Variants in AKAP13 observed in about 807,000 individuals in gnomAD.
AKAP13 encodes the protein A-kinase anchor protein 13.
Under a neutral mutation model 264.5 loss-of-function variants are expected in AKAP13, and 80 were observed. The observed-to-expected ratio is 0.30, with a 90% CI of 0.25 to 0.36. The LOEUF is 0.36. Ranked by LOEUF, AKAP13 falls within the 10% of genes least tolerant of loss-of-function variation. The probability of loss-of-function intolerance (pLI) is 1.00; values close to 1 mark genes in which losing one functional copy is unlikely to be tolerated. For missense variants in AKAP13, 3,712 were observed against 3,435.2 expected (o/e 1.08, Z -2.01); for synonymous variants, 1,380 against 1,250.2 (o/e 1.10, Z -2.19).
At chr15:85,446,757 C>T (rs1383805977) in intron 1 of AKAP13, among the ~76,000 whole-genome samples, 2 of 141,012 alleles carry the variant, frequency 1.4e-5, no homozygotes, top group African/African-American at 5.4e-5. Flanking sequence ...GTTGTCCAGG[C>T]TTTCCAGCCC....
chr15:85,475,606 G>A (rs2075133000), intron 1 of AKAP13, among the ~76,000 whole-genome samples: 1 of 152,196 alleles, frequency 6.6e-6, no homozygotes, highest in Non-Finnish European at 1.5e-5. Flanking sequence ...GTTATATGAT[G>A]TTGAATTCCC....
chr15:85,473,624 G>A (rs894316106), intron 1 of AKAP13, among the ~76,000 whole-genome samples: 2 of 152,176 alleles, frequency 1.3e-5, no homozygotes, highest in Non-Finnish European at 2.9e-5. Context: ...AACTCAGGTT[G>A]CTTCAAAAAC....
At chr15:85,678,323 A>C (rs774680801) in intron 14 of AKAP13, among the ~76,000 whole-genome samples, 1 of 152,214 alleles carries the variant, frequency 6.6e-6, no homozygotes, top group Non-Finnish European at 1.5e-5. Flanking sequence ...AGCAATATTA[A>C]GTGTTTCTCA....
chr15:85,603,643 AC>A (rs2080191458), intron 8 of AKAP13, among the ~76,000 whole-genome samples: 1 of 152,104 alleles, frequency 6.6e-6, no homozygotes, highest in Non-Finnish European at 1.5e-5. Flanking sequence ...ATACTTTTTC[AC>A]CCCACAGTCC....
At chr15:85,499,005 T>A (rs952047213) in intron 2 of AKAP13, among the ~76,000 whole-genome samples, 3 of 152,372 alleles carry the variant, frequency 2.0e-5, no homozygotes, top group Middle Eastern at 6.8e-3. Flanking sequence ...ATTGGAACTG[T>A]ATGGGTACAT....
chr15:85,611,656 T>C (rs926344845), intron 8 of AKAP13, among the ~76,000 whole-genome samples: 1 of 152,236 alleles, frequency 6.6e-6, no homozygotes, highest in Non-Finnish European at 1.5e-5. Context: ...AATATATTTT[T>C]GAAATACAGA....
intron 1 of AKAP13, among the ~76,000 whole-genome samples, chr15:85,441,205 T>C (rs935691659): frequency 1.3e-5 from 2 of 150,232 alleles, no homozygotes; most frequent in Non-Finnish European, 3.0e-5. Context: ...ATTTTTAATC[T>C]TTTTTTTAAT....
intron 2 of AKAP13, among the ~76,000 whole-genome samples, chr15:85,509,270 G>A (rs939131062): frequency 1.4e-4 from 21 of 152,182 alleles, no homozygotes; most frequent in African/African-American, 4.8e-4. Flanking sequence ...TCACTACCAT[G>A]TGTGGCGGCT....
chr15:85,649,856 A>G (rs1039511922), intron 10 of AKAP13, among the ~76,000 whole-genome samples: 2 of 152,224 alleles, frequency 1.3e-5, no homozygotes, highest in African/African-American at 4.8e-5. Context: ...TACATGATCT[A>G]GGCCACTCTA....
chr15:85,414,117 A>G (rs977965257), intron 1 of AKAP13, among the ~76,000 whole-genome samples: 2 of 151,954 alleles, frequency 1.3e-5, no homozygotes, highest in African/African-American at 4.8e-5. Context: ...TTATTCCCAG[A>G]TTTTTCTCCG....
rs973818861 is a variant in AKAP13 at position 85,718,937 on chromosome 15, T to C, written c.6002-139T>C. 5.1e-5 allele frequency: 62 copies of C among 1,214,344 alleles called. No individual in the cohort carries two copies. The highest frequency in any genetic ancestry group is 5.8e-4 in the Middle Eastern group (2 of 3,464). The allele number at this position is 1,214,344 out of a possible 1,614,324, so 75.2% of individuals were successfully genotyped here. A position where few individuals can be genotyped will look rare whatever the true frequency, so the allele number is the denominator to read the frequency against. On this transcript the variant is annotated intron_variant, in intron 22 of 36. Transcript: ENST00000394518. This position sits in a 1 kb window ranked among gnomAD's most constrained non-coding sequence, Gnocchi z 4.9. Reference sequence around the variant, plus strand: ...AAAAACAAAAAAACGAGAACACTTTTAGGGGAAAGATAGCTGTTGACCCAA... The same window carrying C: ...AAAAACAAAAAAACGAGAACACTTTCAGGGGAAAGATAGCTGTTGACCCAA...
chr15:85,530,461 T>G (rs1327035011), intron 3 of AKAP13, among the ~76,000 whole-genome samples: 1 of 152,198 alleles, frequency 6.6e-6, no homozygotes, highest in Non-Finnish European at 1.5e-5. Context: ...GGAAAAGGAC[T>G]GGTTAAATGG....
intron 4 of AKAP13, among the ~76,000 whole-genome samples, chr15:85,540,450 G>A (rs2077547554): frequency 6.6e-6 from 1 of 152,182 alleles, no homozygotes; most frequent in Non-Finnish European, 1.5e-5. Flanking sequence ...GAGTGAGTTG[G>A]CAAAAATGAT....
intron 10 of AKAP13, among the ~76,000 whole-genome samples, chr15:85,649,991 A>G (rs1350604360): frequency 6.6e-6 from 1 of 152,170 alleles, no homozygotes; most frequent in African/African-American, 2.4e-5. Flanking sequence ...TGTATCTACA[A>G]TTGATTTAAA....
intron 34 of AKAP13, chr15:85,740,704 C>A: frequency 2.9e-6 from 1 of 347,794 alleles, no homozygotes. Flanking sequence ...CTGTCTCGTT[C>A]CTACTTTCTC....
At chr15:85,617,827 T>TAGTTTGGAAGTATTTG (rs1237949413) in intron 8 of AKAP13, among the ~76,000 whole-genome samples, 9 of 152,246 alleles carry the variant, frequency 5.9e-5, no homozygotes, top group Non-Finnish European at 1.3e-4. Flanking sequence ...CTAGACCACA[T>TAGTTTGGAAGTATTTG]AGTTTGGAAG....
chr15:85,520,171 T>TAA (rs34250715), intron 2 of AKAP13, among the ~76,000 whole-genome samples: 8 of 150,308 alleles, frequency 5.3e-5, no homozygotes, highest in Non-Finnish European at 1.2e-4. Context: ...GGCCTTGATT[T>TAA]AAAAAAAAAA....
At chr15:85,433,553 GT>G (rs1237140482) in intron 1 of AKAP13, among the ~76,000 whole-genome samples, 1 of 152,006 alleles carries the variant, frequency 6.6e-6, no homozygotes, top group Non-Finnish European at 1.5e-5. Flanking sequence ...CTTAGCCTTT[GT>G]TTTTTGGTTT....
At chr15:85,479,628 A>G (rs774751574) in intron 1 of AKAP13, among the ~76,000 whole-genome samples, 4 of 152,028 alleles carry the variant, frequency 2.6e-5, no homozygotes, top group Admixed American at 1.3e-4. Flanking sequence ...AGTGACAAAA[A>G]CCCTGTCAAT....
Sources: gnomAD v4.1 joint callset for allele counts (sites outside exome capture counted in the v4.1 genomes callset) on GRCh38, gnomAD v4.1.1 for gene constraint, Gnocchi (gnomAD v3.1) non-coding constraint, MANE v1.5 for transcripts, NCBI Gene and HGNC (gene_info 2026-07-23, HGNC 2026-07-21) for gene names.